Variants in KCNIP4 observed in about 807,000 individuals in gnomAD.
KCNIP4 encodes the protein Kv channel-interacting protein 4.
A neutral mutation model predicts 34.0 loss-of-function variants in KCNIP4; 12 were observed. The ratio of observed to expected loss-of-function variants is 0.35; its 90% CI spans 0.23 to 0.57. The LOEUF is 0.57. Ranked by LOEUF, KCNIP4 falls within the 20% of genes least tolerant of loss-of-function variation. The pLI is 0.83. For missense variants in KCNIP4, 238 were observed against 311.7 expected (o/e 0.76, Z 1.78); for synonymous variants, 124 against 102.2 (o/e 1.21, Z -1.29).
In KCNIP4 at chr4:21,046,562, G is replaced by C. The variant is rs547713924; in HGVS notation, c.62-163853C>G. On this transcript the variant is annotated intron_variant, in intron 1 of 8. Coordinates refer to ENST00000382152, the MANE Select transcript of KCNIP4 (RefSeq NM_025221.6). The stretch of plus-strand genomic sequence containing the variant: ...AAAAAATAAAGAGAAACTGTTGAGG[G>C]ACAGAGTTACTAGCTAATTTATTTA... Among the ~76,000 whole-genome samples the C allele has an allele frequency of 2.4e-3, 258 of 105,830 alleles. 6 individuals carry two copies. The highest frequency in any genetic ancestry group is 0.022 in the Admixed American group (256 of 11,450). 69.4% of individuals were successfully genotyped at this position (105,830 alleles called of 152,430 possible). A position where few individuals can be genotyped will look rare whatever the true frequency, so the allele number is the denominator to read the frequency against.
intron 1 of KCNIP4, among the ~76,000 whole-genome samples, chr4:21,222,530 GA>G (rs955143676): frequency 5.3e-5 from 8 of 151,956 alleles, no homozygotes; most frequent in Admixed American, 2.0e-4. Flanking sequence ...AAAATACAGA[GA>G]AAAAAACACA....
intron 3 of KCNIP4, among the ~76,000 whole-genome samples, chr4:20,791,878 C>G (rs1011476871): frequency 1.3e-5 from 2 of 152,268 alleles, no homozygotes; most frequent in Middle Eastern, 3.4e-3. Flanking sequence ...ATTGACCTCT[C>G]CTGAGAGAGA....
At chr4:21,863,809 G>C (rs796297066) in intron 1 of KCNIP4, among the ~76,000 whole-genome samples, 5 of 152,196 alleles carry the variant, frequency 3.3e-5, no homozygotes, top group African/African-American at 1.2e-4. Context: ...AGTTGAAATT[G>C]GTCTCTGAGC....
intron 3 of KCNIP4, among the ~76,000 whole-genome samples, chr4:20,770,791 C>T (rs369934778): frequency 2.0e-5 from 3 of 151,812 alleles, no homozygotes; most frequent in African/African-American, 7.3e-5. Flanking sequence ...AAAAATTAGC[C>T]CTGCATGGTG....
intron 1 of KCNIP4, among the ~76,000 whole-genome samples, chr4:21,364,105 A>G (rs1174992560): frequency 6.6e-6 from 1 of 152,150 alleles, no homozygotes; most frequent in Non-Finnish European, 1.5e-5. Flanking sequence ...TACAATTCTC[A>G]TTGTTAACAC....
At chr4:21,225,943 A>C (rs1758349037) in intron 1 of KCNIP4, among the ~76,000 whole-genome samples, 1 of 152,034 alleles carries the variant, frequency 6.6e-6, no homozygotes, top group Non-Finnish European at 1.5e-5. Flanking sequence ...CTGCTCATGC[A>C]AAAAGCTTCA....
intron 1 of KCNIP4, among the ~76,000 whole-genome samples, chr4:21,538,221 C>G (rs1156902947): frequency 4.6e-5 from 7 of 151,938 alleles, no homozygotes; most frequent in African/African-American, 1.7e-4. Flanking sequence ...GTATGTCCCA[C>G]CAACACCTTG....
At chr4:21,369,940 G>T (rs1003516530) in intron 1 of KCNIP4, among the ~76,000 whole-genome samples, 5 of 145,284 alleles carry the variant, frequency 3.4e-5, no homozygotes, top group Non-Finnish European at 5.9e-5. Flanking sequence ...CCATTCTCCT[G>T]CCTCAGCCTC....
rs185746917 is a variant in KCNIP4 at position 20,927,793 on chromosome 4, C to A, written c.62-45084G>T. Among the ~76,000 whole-genome samples the A allele has an allele frequency of 3.5e-3, 525 of 152,172 alleles. 4 individuals carry two copies. Among genetic ancestry groups the A allele is most frequent in the Middle Eastern group, 0.01 (3 of 294 alleles). ...CTTATACCATTTATGTTGTATTCAA[C>A]TGAATAGTAACACTGTCATCATAAA... On this transcript the variant is annotated intron_variant, in intron 1 of 8. Transcript: ENST00000382152.
intron 1 of KCNIP4, among the ~76,000 whole-genome samples, chr4:21,504,476 AAAG>A (rs566470901): frequency 0.029 from 2,632 of 91,410 alleles, 170 homozygotes; most frequent in East Asian, 0.16. Context: ...AAAAAAAAAA[AAAG>A]AAAGAAAGAA....
At chr4:20,803,727 G>GAGGGAGGAAGGA (rs1714702741) in intron 3 of KCNIP4, among the ~76,000 whole-genome samples, 1 of 91,442 alleles carries the variant, frequency 1.1e-5, no homozygotes, top group African/African-American at 3.9e-5. Context: ...GAGAGAGAGA[G>GAGGGAGGAAGGA]AGGAAGGAAG....
intron 1 of KCNIP4, among the ~76,000 whole-genome samples, chr4:21,028,842 T>C (rs184594220): frequency 2.0e-5 from 3 of 152,280 alleles, no homozygotes; most frequent in Admixed American, 2.0e-4. Context: ...AGAGATTCTA[T>C]ATGATGGATG....
intron 1 of KCNIP4, among the ~76,000 whole-genome samples, chr4:21,149,637 A>G (rs1294233362): frequency 1.3e-5 from 2 of 152,212 alleles, no homozygotes; most frequent in Admixed American, 6.5e-5. Flanking sequence ...TGAAAAAATT[A>G]TACTGTATTA....
chr4:21,722,692 C>A (rs1290987665), intron 1 of KCNIP4, among the ~76,000 whole-genome samples: 1 of 152,100 alleles, frequency 6.6e-6, no homozygotes, highest in Non-Finnish European at 1.5e-5. Flanking sequence ...TACTGCCGTG[C>A]TAGAGGGAGC....
chr4:21,256,745 A>C (rs1761089571), intron 1 of KCNIP4, among the ~76,000 whole-genome samples: 1 of 152,234 alleles, frequency 6.6e-6, no homozygotes, highest in Non-Finnish European at 1.5e-5. Flanking sequence ...CAAATGCTTT[A>C]AAGATTATCT....
intron 1 of KCNIP4, among the ~76,000 whole-genome samples, chr4:21,904,229 T>C (rs987324640): frequency 2.0e-5 from 3 of 152,176 alleles, no homozygotes; most frequent in Non-Finnish European, 2.9e-5. Flanking sequence ...AGCAGGCTCA[T>C]GACCTAAGAA....
At chr4:20,982,418 GC>G (rs1736152880) in intron 1 of KCNIP4, among the ~76,000 whole-genome samples, 1 of 152,174 alleles carries the variant, frequency 6.6e-6, no homozygotes, top group Non-Finnish European at 1.5e-5. Flanking sequence ...TCAAGAGAAT[GC>G]AAAATTGTGT....
chr4:21,553,832 T>C lies in KCNIP4; in HGVS notation c.61+394739A>G, dbSNP rs1738774601. Among the ~76,000 whole-genome samples, 2 of 152,126 alleles carry C rather than the reference T, an allele frequency of 1.3e-5. 1 individual carries two copies. ...CCTTTCCCTTCTTTAATGGAGACAC[T>C]GGTCACTAGATTTAGGACTTACCCC... On this transcript the variant is annotated intron_variant, in intron 1 of 8. Coordinates refer to ENST00000382152, the MANE Select transcript of KCNIP4 (RefSeq NM_025221.6).
chr4:20,896,782 T>C (rs1191915303), intron 1 of KCNIP4, among the ~76,000 whole-genome samples: 1 of 152,136 alleles, frequency 6.6e-6, no homozygotes, highest in African/African-American at 2.4e-5. Flanking sequence ...CACACATCAG[T>C]TAACAGATTT....
Sources: allele counts gnomAD v4.1 joint callset (sites outside exome capture counted in the v4.1 genomes callset), GRCh38; gene constraint gnomAD v4.1.1; transcripts MANE v1.5; gene names NCBI Gene and HGNC (gene_info 2026-07-23, HGNC 2026-07-21).